Variants in CTNNBIP1 observed in about 807,000 individuals in gnomAD.
The protein encoded by CTNNBIP1 is catenin beta interacting protein 1, also known as beta-catenin-interacting protein 1.
CTNNBIP1 carries 7 observed loss-of-function variants against 11.8 expected under a neutral mutation model. The observed-to-expected ratio is 0.60, with a 90% confidence interval of 0.34 to 1.12. CTNNBIP1 has a LOEUF of 1.12. Among genes scored for constraint, CTNNBIP1 ranks in the 50% most tolerant of loss-of-function variants. CTNNBIP1 has a pLI of 0.03. For missense variants in CTNNBIP1, 101 were observed against 113.4 expected (o/e 0.89, Z 0.50); for synonymous variants, 58 against 43.9 (o/e 1.32, Z -1.26).
At chr1:9,852,716 G>A (rs1638417908) in intron 5 of CTNNBIP1, among the ~76,000 whole-genome samples, 1 of 152,210 alleles carries the variant, frequency 6.6e-6, no homozygotes, top group South Asian at 2.1e-4. Context: ...GTCTGTGAAA[G>A]GGGAGTTGTC....
intron 5 of CTNNBIP1, among the ~76,000 whole-genome samples, chr1:9,856,703 G>A (rs796715311): frequency 4.6e-5 from 7 of 151,504 alleles, no homozygotes; most frequent in African/African-American, 1.7e-4. Context: ...TAGTAGAGAC[G>A]GGGTTTCACC....
chr1:9,888,590 G>A (rs932069538), intron 1 of CTNNBIP1, among the ~76,000 whole-genome samples: 3 of 152,088 alleles, frequency 2.0e-5, no homozygotes, highest in African/African-American at 7.2e-5. Context: ...TAAGGCGATG[G>A]GGAGAGGCCC....
At chr1:9,888,527 G>A (rs922793853) in intron 1 of CTNNBIP1, among the ~76,000 whole-genome samples, 3 of 151,932 alleles carry the variant, frequency 2.0e-5, no homozygotes, top group Non-Finnish European at 4.4e-5. Context: ...ACTCCAGCCT[G>A]GGTGACAGAG....
intron 1 of CTNNBIP1, among the ~76,000 whole-genome samples, chr1:9,908,637 C>T (rs1214357295): frequency 6.6e-6 from 1 of 152,236 alleles, no homozygotes; most frequent in African/African-American, 2.4e-5. Flanking sequence ...GCTGGGACTA[C>T]AAGCGTGAGC....
intron 1 of CTNNBIP1, among the ~76,000 whole-genome samples, chr1:9,897,304 A>G (rs894875048): frequency 6.6e-6 from 1 of 151,684 alleles, no homozygotes; most frequent in Non-Finnish European, 1.5e-5. Context: ...AATACAAAAA[A>G]TTAGCCAGAT....
At chr1:9,891,870 C>G (rs1234294018) in intron 1 of CTNNBIP1, among the ~76,000 whole-genome samples, 1 of 135,744 alleles carries the variant, frequency 7.4e-6, no homozygotes, top group African/African-American at 2.8e-5. Flanking sequence ...GGCGCAATCT[C>G]GTTTCACTGC....
intron 5 of CTNNBIP1, 152 bp from the exon 6 acceptor site, chr1:9,850,928 C>A: frequency 6.8e-6 from 5 of 739,472 alleles, no homozygotes; most frequent in Non-Finnish European, 1.2e-5. Flanking sequence ...GTCTTCCTCC[C>A]CTCTGGTCTT....
chr1:9,875,427 G>A (rs759731512), intron 3 of CTNNBIP1, among the ~76,000 whole-genome samples: 1 of 152,166 alleles, frequency 6.6e-6, no homozygotes, highest in Non-Finnish European at 1.5e-5. Context: ...ACAGAATGTT[G>A]CCCTGTCCAA....
chr1:9,863,428 A>G (rs3888014), intron 5 of CTNNBIP1, among the ~76,000 whole-genome samples: 19,739 of 152,184 alleles, frequency 0.13, 3,573 homozygotes, highest in African/African-American at 0.39. Flanking sequence ...GGAGCCTCTG[A>G]GAGAAGCCTC....
At chr1:9,898,647 T>C (rs1639458270) in intron 1 of CTNNBIP1, among the ~76,000 whole-genome samples, 1 of 152,202 alleles carries the variant, frequency 6.6e-6, no homozygotes, top group East Asian at 1.9e-4. Context: ...AGAAAAAGAC[T>C]GTAAACCTAA....
intron 3 of CTNNBIP1, among the ~76,000 whole-genome samples, chr1:9,876,696 A>G (rs749832558): frequency 1.3e-5 from 2 of 152,220 alleles, no homozygotes; most frequent in Non-Finnish European, 2.9e-5. Flanking sequence ...GGACAGGTCC[A>G]TGGTTATTTA....
chr1:9,853,371 C>G (rs1373497074), intron 5 of CTNNBIP1, among the ~76,000 whole-genome samples: 1 of 152,202 alleles, frequency 6.6e-6, no homozygotes, highest in Non-Finnish European at 1.5e-5. Flanking sequence ...GGCCTCTGGC[C>G]GAGGACACTG....
At chr1:9,885,077 C>A (rs760228147) in intron 1 of CTNNBIP1, among the ~76,000 whole-genome samples, 1 of 152,088 alleles carries the variant, frequency 6.6e-6, no homozygotes, top group Non-Finnish European at 1.5e-5. Flanking sequence ...GAGTAGAGGC[C>A]GTGGCAGGAA....
intron 1 of CTNNBIP1, among the ~76,000 whole-genome samples, chr1:9,884,173 G>A (rs1296127751): frequency 6.6e-6 from 1 of 152,120 alleles, no homozygotes; most frequent in Non-Finnish European, 1.5e-5. Flanking sequence ...GGGGCGACGG[G>A]ACTGGGCCAG....
intron 1 of CTNNBIP1, among the ~76,000 whole-genome samples, chr1:9,900,913 A>G (rs914184567): frequency 2.6e-5 from 4 of 152,182 alleles, no homozygotes; most frequent in African/African-American, 4.8e-5. Flanking sequence ...CCAGAAGCCG[A>G]GTGTGAGCAC....
intron 5 of CTNNBIP1, among the ~76,000 whole-genome samples, chr1:9,865,884 C>T (rs893170656): frequency 1.3e-5 from 2 of 152,112 alleles, no homozygotes; most frequent in Non-Finnish European, 2.9e-5. Context: ...TGAGAGAAGC[C>T]TGGACTCAGC....
chr1:9,905,675 C>T (rs926027261), intron 1 of CTNNBIP1, among the ~76,000 whole-genome samples: 1 of 151,884 alleles, frequency 6.6e-6, no homozygotes, highest in African/African-American at 2.4e-5. Context: ...GGTGATCCAC[C>T]CGCCTCGGCC....
chr1:9,878,534 A>C (rs537524208), intron 2 of CTNNBIP1, among the ~76,000 whole-genome samples: 1 of 152,382 alleles, frequency 6.6e-6, no homozygotes, highest in Non-Finnish European at 1.5e-5. Context: ...CGAAAAGCAC[A>C]GTCGCAGCTT....
intron 1 of CTNNBIP1, among the ~76,000 whole-genome samples, chr1:9,905,486 G>C (rs958582584): frequency 6.6e-6 from 1 of 151,102 alleles, no homozygotes; most frequent in Non-Finnish European, 1.5e-5. Flanking sequence ...GCAGTGGCAC[G>C]ATCTTGGCTC....
Sources: allele counts gnomAD v4.1 joint callset (sites outside exome capture counted in the v4.1 genomes callset), GRCh38; gene constraint gnomAD v4.1.1; transcripts MANE v1.5; gene names NCBI Gene and HGNC (gene_info 2026-07-23, HGNC 2026-07-21).